The following SVIL variants were observed in gnomAD, a reference collection of about 807,000 sequenced individuals.
SVIL encodes the protein archvillin.
A neutral mutation model predicts 240.4 loss-of-function variants in SVIL; 101 were observed. The ratio of observed to expected loss-of-function variants is 0.42; its 90% CI spans 0.36 to 0.50. SVIL has a LOEUF of 0.50. Ranked by LOEUF, SVIL falls within the 20% of genes least tolerant of loss-of-function variation. The pLI, the probability that SVIL is intolerant of heterozygous loss-of-function variation, is 0.01. For missense variants in SVIL, 2,512 were observed against 2,818.7 expected, an observed-to-expected ratio of 0.89 and a Z score of 2.46; for synonymous variants, 999 against 1,100.0, an observed-to-expected ratio of 0.91 and a Z score of 1.82.
chr10:29,587,867 C>T (rs535382318), intron 1 of SVIL, among the ~76,000 whole-genome samples: 136 of 152,270 alleles, frequency 8.9e-4, no homozygotes, highest in Non-Finnish European at 1.4e-3. Flanking sequence ...GAAAAGTGGA[C>T]GTCTGTATTT....
chr10:29,624,577 C>T (rs1017247198), intron 1 of SVIL, among the ~76,000 whole-genome samples: 12 of 152,056 alleles, frequency 7.9e-5, no homozygotes, highest in African/African-American at 2.7e-4. Flanking sequence ...AAATCATTTA[C>T]AGTGCTCATT....
At chr10:29,485,184 A>G (rs1377134050) in intron 26 of SVIL, among the ~76,000 whole-genome samples, 1 of 151,744 alleles carries the variant, frequency 6.6e-6, no homozygotes, top group African/African-American at 2.4e-5. Context: ...TCATGTGCTC[A>G]TTCATTCACT....
chr10:29,591,194 A>G (rs147723702), intron 1 of SVIL, among the ~76,000 whole-genome samples: 28 of 152,336 alleles, frequency 1.8e-4, no homozygotes, highest in African/African-American at 6.7e-4. Flanking sequence ...AAATGTGTTT[A>G]CATGCATGAA....
In SVIL at chr10:29,533,116, G is replaced by C. The variant is rs140144543; in HGVS notation, c.1251C>G (p.Ser417Arg). The C allele has an allele frequency of 1.2e-6, 2 of 1,613,900 alleles. No homozygotes were observed. The highest frequency in any genetic ancestry group is 2.7e-5 in the African/African-American group (2 of 74,854). Residue 417 changes from serine to arginine, a missense_variant, in exon 8 of 38, where the codon AGC becomes AGG. Ser to Arg is a moderately radical substitution (Grantham distance 110, BLOSUM62 -1). Coordinates refer to ENST00000355867, the MANE Select transcript of SVIL (RefSeq NM_021738.3). ...TTGACTCGCAGACATGGAGAACTGG[G>C]CTATCCCTTCCGTCACCTTCTAGAA... Reference protein sequence around the residue: ...LTVLEGDGRDSPVLHVCESKA... With the variant: ...LTVLEGDGRDRPVLHVCESKA...
chr10:29,589,445 C>T (rs1956301052), intron 1 of SVIL, among the ~76,000 whole-genome samples: 1 of 152,170 alleles, frequency 6.6e-6, no homozygotes, highest in Non-Finnish European at 1.5e-5. Flanking sequence ...TTGCAAGTCC[C>T]CTGCAGCATG....
At chr10:29,716,309 T>C (rs767371438) in intron 1 of SVIL, among the ~76,000 whole-genome samples, 2 of 152,196 alleles carry the variant, frequency 1.3e-5, no homozygotes, top group African/African-American at 2.4e-5. Flanking sequence ...GTTTATAAAA[T>C]AAATATGGCC....
chr10:29,611,167 A>G lies in SVIL; in HGVS notation c.-201+23253T>C, dbSNP rs1957230645. Among the ~76,000 whole-genome samples the G allele has an allele frequency of 2.0e-5, 3 of 152,230 alleles. No homozygotes were observed. In the South Asian group the frequency reaches 6.2e-4, roughly 32 times the overall value. On this transcript the variant is annotated intron_variant, in intron 1 of 37. Transcript: ENST00000355867. ...AAGTATCCTCACTGGAGCATGATCT[A>G]CAGTCCCGCCGTCTATTCCTGCCTT...
chr10:29,610,423 C>A (rs1957200003), intron 1 of SVIL, among the ~76,000 whole-genome samples: 1 of 150,162 alleles, frequency 6.7e-6, no homozygotes, highest in Admixed American at 6.8e-5. Context: ...CTCTCCCCTG[C>A]CCAAACAAGC....
intron 1 of SVIL, among the ~76,000 whole-genome samples, chr10:29,599,618 T>A (rs1368615921): frequency 6.6e-6 from 1 of 152,126 alleles, no homozygotes; most frequent in Non-Finnish European, 1.5e-5. Flanking sequence ...GGTTTCGCCA[T>A]GTTAGCCAGG....
intron 2 of SVIL, among the ~76,000 whole-genome samples, chr10:29,663,385 CT>C (rs931353431): frequency 1.3e-5 from 2 of 152,060 alleles, no homozygotes; most frequent in East Asian, 1.9e-4. Flanking sequence ...ACTTATATTT[CT>C]TTTTTTTGTT....
chr10:29,635,034 A>G (rs1317392184), upstream of SVIL: 1 of 152,090 alleles, frequency 6.6e-6, no homozygotes, highest in East Asian at 1.9e-4. Context: ...ATACCAGCTC[A>G]TCTACCAGAA....
chr10:29,691,342 G>A (rs1961488873), intron 1 of SVIL, among the ~76,000 whole-genome samples: 1 of 151,758 alleles, frequency 6.6e-6, no homozygotes, highest in Non-Finnish European at 1.5e-5. Flanking sequence ...CTCCCGAGTA[G>A]CTGGGACTAC....
chr10:29,613,875 A>G (rs2479686), intron 1 of SVIL, among the ~76,000 whole-genome samples: 17,973 of 152,218 alleles, frequency 0.12, 1,155 homozygotes, highest in Middle Eastern at 0.17. Context: ...AATCCAGATA[A>G]TCACCTTACA....
chr10:29,513,581 C>T (rs193090926), intron 16 of SVIL, among the ~76,000 whole-genome samples: 17 of 152,248 alleles, frequency 1.1e-4, no homozygotes, highest in African/African-American at 4.1e-4. Flanking sequence ...GAAGCACTTA[C>T]AGTCTCTTAA....
At chr10:29,570,592 C>T (rs768352935) in intron 1 of SVIL, among the ~76,000 whole-genome samples, 5 of 152,186 alleles carry the variant, frequency 3.3e-5, no homozygotes, top group South Asian at 2.1e-4. Context: ...AATAAAAAGA[C>T]GCTACTCACC....
intron 2 of SVIL, among the ~76,000 whole-genome samples, chr10:29,673,314 G>C (rs999359168): frequency 5.9e-5 from 9 of 151,648 alleles, no homozygotes; most frequent in Non-Finnish European, 1.2e-4. Flanking sequence ...TTATATGTTA[G>C]TAAATAATAT....
At chr10:29,645,017 A>G (rs113640514) in intron 3 of SVIL, among the ~76,000 whole-genome samples, 1 of 152,052 alleles carries the variant, frequency 6.6e-6, no homozygotes, top group East Asian at 1.9e-4. Flanking sequence ...ATTCAAGAAA[A>G]GAAAATAACA....
intron 1 of SVIL, among the ~76,000 whole-genome samples, chr10:29,598,038 G>A (rs1026958931): frequency 6.6e-6 from 1 of 152,068 alleles, no homozygotes; most frequent in African/African-American, 2.4e-5. Flanking sequence ...AAAACGTGGT[G>A]TATCTAAACC....
At chr10:29,549,525 T>C (rs1382299401) in intron 6 of SVIL, among the ~76,000 whole-genome samples, 1 of 143,078 alleles carries the variant, frequency 7.0e-6, no homozygotes, top group East Asian at 2.1e-4. Context: ...TTACTGGGTA[T>C]ATACCCAAAG....
Sources: allele counts gnomAD v4.1 joint callset (sites outside exome capture counted in the v4.1 genomes callset), GRCh38; gene constraint gnomAD v4.1.1; transcripts MANE v1.5; gene names NCBI Gene and HGNC (gene_info 2026-07-23, HGNC 2026-07-21).